The following CLCF1 variants were observed in gnomAD, a reference collection of about 807,000 sequenced individuals.
CLCF1 encodes the protein cardiotrophin-like cytokine factor 1.
CLCF1 carries 10 observed loss-of-function variants against 21.2 expected under a neutral mutation model. That is an observed-to-expected ratio of 0.47 (90% CI 0.29 to 0.80). CLCF1 has a LOEUF of 0.80. Ranked by LOEUF, CLCF1 falls within the 30% of genes least tolerant of loss-of-function variation. The pLI is 0.09. For synonymous variants in CLCF1, 115 were observed against 120.5 expected (o/e 0.95, Z 0.30); for missense variants, 240 against 293.4 (o/e 0.82, Z 1.33).
intron 1 of CLCF1, among the ~76,000 whole-genome samples, chr11:67,373,136 C>T (rs1862275689): frequency 6.6e-6 from 1 of 151,698 alleles, no homozygotes; most frequent in African/African-American, 2.4e-5. Flanking sequence ...CCCGGCCTCC[C>T]TCCCTCTTCC....
At chr11:67,369,135 T>C (rs1018074462) in intron 1 of CLCF1, 8 of 985,232 alleles carry the variant, frequency 8.1e-6, no homozygotes, top group Admixed American at 6.1e-5. Flanking sequence ...TGGAGAGGGC[T>C]AATAACTAGG....
rs183635959 is a variant in CLCF1 at position 67,368,888 on chromosome 11, C to G, written c.17-1262G>C. ...ATAGGTGTGAGGTCATGAGTGGTTT[C>G]TTTCCTATAGTTCTTTTTTTTTCCT... On this transcript the variant is annotated intron_variant, in intron 1 of 2. Transcript: ENST00000312438. 1.3e-4 allele frequency: 114 copies of G among 881,702 alleles called. No homozygotes were observed. In the African/African-American group the frequency reaches 2.4e-3, roughly 18 times the overall value. 54.6% of individuals were successfully genotyped at this position (881,702 alleles called of 1,614,324 possible). A position where few individuals can be genotyped will look rare whatever the true frequency, so the allele number is the denominator to read the frequency against.
chr11:67,367,625 C>T lies in CLCF1; in HGVS notation c.18G>A (p.Gly6=). The T allele has an allele frequency of 6.2e-7, 1 of 1,613,002 alleles. No individual in the cohort carries two copies. The highest frequency in any genetic ancestry group is 8.5e-7 in the Non-Finnish European group (1 of 1,179,920). MDLRA[G]DSWGMLACLC... ...GGCACGCTAACATCCCCCACGAGTC[C>T]CCTGTGGGCAGGATGGACGAGAAGC... is the stretch of plus-strand genomic sequence containing the variant. The change falls in exon 2 of 3, where the codon GGG becomes GGA. Residue 6 remains glycine (G), a splice_region_variant and synonymous_variant. Coordinates refer to ENST00000312438, the MANE Select transcript of CLCF1 (RefSeq NM_013246.3).
upstream of CLCF1, chr11:67,373,844 G>A (rs930373478): frequency 1.7e-5 from 17 of 1,025,476 alleles, no homozygotes; most frequent in African/African-American, 1.5e-4. Context: ...CAGCACCGAG[G>A]GGGGGTGAGG....
upstream of CLCF1, chr11:67,373,879 C>A (rs1204025990): frequency 2.1e-6 from 2 of 965,692 alleles, no homozygotes; most frequent in South Asian, 5.1e-5. Flanking sequence ...GGCGGTACCA[C>A]CCTGGGCCTC....
rs760645462 is a variant in CLCF1 at position 67,365,220 on chromosome 11, C to T, written c.594G>A (p.Ser198=). The T allele has an allele frequency of 3.7e-5, 60 of 1,613,872 alleles. No homozygotes were observed. Among genetic ancestry groups the T allele is most frequent in the Non-Finnish European group, 3.0e-5 (35 of 1,180,022 alleles). ...LKELQTWLWR[S]AKDFNRLKKK... ...TCTTGAGCCGGTTGAAGTCCTTGGC[C>T]GAGCGCCACAGCCAGGTCTGCAGCT... is the stretch of plus-strand genomic sequence containing the variant. Residue 198 remains serine (S), a synonymous_variant, in exon 3 of 3, where the codon TCG becomes TCA. Transcript: ENST00000312438. The surrounding 1 kb of genome is among the most constrained non-coding windows in gnomAD (Gnocchi z 5.0).
At position 67,372,630 on chromosome 11, in the gene CLCF1, GC is replaced by G. The variant is rs1176293185; in HGVS notation, c.16+893del. Among the ~76,000 whole-genome samples the G allele has an allele frequency of 6.7e-6, 1 of 149,346 alleles. No homozygotes were observed. The highest frequency in any genetic ancestry group is 1.5e-5 in the Non-Finnish European group (1 of 66,830). On this transcript the variant is annotated intron_variant, in intron 1 of 2. Transcript: ENST00000312438. This position sits in a 1 kb window ranked among gnomAD's most constrained non-coding sequence, Gnocchi z 5.9. Reference sequence around the variant, plus strand: ...CTCCTTCCCCGCGGCGGGGGCGGGGGCGGGGGCGGGGGCGGGGTCCGGGGCA... The same window carrying G: ...CTCCTTCCCCGCGGCGGGGGCGGGGGGGGGGCGGGGGCGGGGTCCGGGGCA...
At chr11:67,371,747 T>C (rs1275734055) in intron 1 of CLCF1, among the ~76,000 whole-genome samples, 1 of 134,724 alleles carries the variant, frequency 7.4e-6, no homozygotes, top group Non-Finnish European at 1.6e-5. Context: ...AAGAGGGGCG[T>C]GGGGGGGGAG....
At chr11:67,371,545 C>G (rs1862233832) in intron 1 of CLCF1, among the ~76,000 whole-genome samples, 1 of 152,122 alleles carries the variant, frequency 6.6e-6, no homozygotes, top group Admixed American at 6.5e-5. Flanking sequence ...ACCAAGCAAG[C>G]GAGACAGGAG....
rs1034609231 is a variant in CLCF1 at position 67,372,525 on chromosome 11, G to A, written c.16+999C>T. 3.3e-5 allele frequency among the ~76,000 whole-genome samples: 5 copies of A among 151,728 alleles called. No homozygotes were observed. Among genetic ancestry groups the A allele is most frequent in the Non-Finnish European group, 5.9e-5 (4 of 67,844 alleles). ...CTGCTGGCGGTGACCTCTCGCTCTGGGACCCCTCCCGGCGCTGCGCCTTCC... is the reference window on the plus strand; with the variant it reads ...CTGCTGGCGGTGACCTCTCGCTCTGAGACCCCTCCCGGCGCTGCGCCTTCC... On this transcript the variant is annotated intron_variant, in intron 1 of 2. Coordinates refer to ENST00000312438, the MANE Select transcript of CLCF1 (RefSeq NM_013246.3). The surrounding 1 kb of genome is among the most constrained non-coding windows in gnomAD (Gnocchi z 5.9).
upstream of CLCF1, chr11:67,373,998 C>T: frequency 2.4e-6 from 2 of 850,892 alleles, no homozygotes; most frequent in Non-Finnish European, 2.6e-6. Flanking sequence ...TGGGACACCG[C>T]CCCCTGCCCC....
chr11:67,366,250 G>C (rs1862095606), intron 2 of CLCF1, among the ~76,000 whole-genome samples: 1 of 152,144 alleles, frequency 6.6e-6, no homozygotes, highest in African/African-American at 2.4e-5. Flanking sequence ...GGAGAAATTT[G>C]GCAGGGAAAG....
chr11:67,365,463 C>T lies in CLCF1; in HGVS notation c.351G>A (p.Leu117=), dbSNP rs754365534. The T allele has an allele frequency of 3.1e-6, 5 of 1,614,028 alleles. No individual in the cohort carries two copies. The highest frequency in any genetic ancestry group is 4.2e-6 in the Non-Finnish European group (5 of 1,179,946). Reference sequence around the variant, plus strand: ...TGGCAGCCTGACGGTTGAGGCCACGCAAGTAACACAGAAGGTGGCTGTAGG... The same window carrying T: ...TGGCAGCCTGACGGTTGAGGCCACGTAAGTAACACAGAAGGTGGCTGTAGG... The part of the protein sequence containing the change: ...YEAYSHLLCY[L]RGLNRQAATA... Residue 117 remains leucine (L), a synonymous_variant, in exon 3 of 3, where the codon TTG becomes TTA. Coordinates refer to ENST00000312438, the MANE Select transcript of CLCF1 (RefSeq NM_013246.3). This position sits in a 1 kb window ranked among gnomAD's most constrained non-coding sequence, Gnocchi z 5.0.
At chr11:67,369,172 A>C (rs1276265243) in intron 1 of CLCF1, 5 of 985,148 alleles carry the variant, frequency 5.1e-6, no homozygotes, top group Non-Finnish European at 6.0e-6. Flanking sequence ...ATTTGTATAA[A>C]ACATCTCTTA....
At chr11:67,366,980 C>T (rs1862113444) in intron 2 of CLCF1, among the ~76,000 whole-genome samples, 1 of 152,032 alleles carries the variant, frequency 6.6e-6, no homozygotes, top group Non-Finnish European at 1.5e-5. Context: ...TCCCCTTCCC[C>T]CATGACCCCC....
At position 67,367,460 on chromosome 11, in the gene CLCF1, A is replaced by G; in HGVS notation, c.183T>C (p.Tyr61=). The part of the protein sequence containing the change: ...EHQLRSLAGT[Y]LNYLGPPFNE... The stretch of plus-strand genomic sequence containing the variant: ...CCAGATTCCTACGCTGGATACTCAC[A>G]TAGGTCCCAGCCAAGCTGCGGAGTT... The change falls in exon 2 of 3, where the codon TAT becomes TAC. Residue 61 remains tyrosine (Y), a splice_region_variant and synonymous_variant. Coordinates refer to ENST00000312438, the MANE Select transcript of CLCF1 (RefSeq NM_013246.3). 6.2e-7 allele frequency: 1 copy of G among 1,614,184 alleles called. No individual in the cohort carries two copies. The highest frequency in any genetic ancestry group is 8.5e-7 in the Non-Finnish European group (1 of 1,180,004).
In CLCF1 at chr11:67,365,492, C is replaced by T. The variant is rs764602656; in HGVS notation, c.322G>A (p.Glu108Lys). 5.6e-6 allele frequency: 9 copies of T among 1,614,126 alleles called. No individual in the cohort carries two copies. Among genetic ancestry groups the T allele is most frequent in the East Asian group, 2.2e-5 (1 of 44,882 alleles). The change falls in exon 3 of 3, where the codon GAG becomes AAG. Residue 108 changes from glutamate (E) to lysine (K), a missense_variant. Glu to Lys is a moderately conservative substitution (Grantham distance 56). Transcript: ENST00000312438. The surrounding 1 kb of genome is among the most constrained non-coding windows in gnomAD (Gnocchi z 5.0). ...NDKLRLTQNY[E>K]AYSHLLCYLR... is the part of the protein sequence containing the mutation. Reference sequence around the variant, plus strand: ...TAACACAGAAGGTGGCTGTAGGCCTCGTAGTTCTGGGTCAGCCGCAGTTTG... The same window carrying T: ...TAACACAGAAGGTGGCTGTAGGCCTTGTAGTTCTGGGTCAGCCGCAGTTTG...
rs559413412 is a variant in CLCF1 at position 67,371,619 on chromosome 11, G to A, written c.16+1905C>T. Among the ~76,000 whole-genome samples the A allele has an allele frequency of 2.6e-5, 4 of 152,330 alleles. No individual in the cohort carries two copies. The East Asian group carries it at 7.7e-4, about 29-fold the overall frequency. On this transcript the variant is annotated intron_variant, in intron 1 of 2. Transcript: ENST00000312438. ...CACAAGAGGGCCATGGGTGTGCTCA[G>A]GGAGGCCAGCGGGGAGCCAGGGGGG... is the stretch of plus-strand genomic sequence containing the variant.
chr11:67,372,759 T>C lies in CLCF1; in HGVS notation c.16+765A>G, dbSNP rs1265007324. 6.7e-6 allele frequency among the ~76,000 whole-genome samples: 1 copy of C among 149,744 alleles called. No individual in the cohort carries two copies. Among genetic ancestry groups the C allele is most frequent in the Non-Finnish European group, 1.5e-5 (1 of 67,062 alleles). The stretch of plus-strand genomic sequence containing the variant: ...CGCCGCTCCCTGGCCAGTGACAGAC[T>C]TTTTCCTGCCGGGTCCGGCCCGGCT... On this transcript the variant is annotated intron_variant, in intron 1 of 2. Transcript: ENST00000312438. The surrounding 1 kb of genome is among the most constrained non-coding windows in gnomAD (Gnocchi z 5.9).
Sources: gnomAD v4.1 joint callset for allele counts (sites outside exome capture counted in the v4.1 genomes callset) on GRCh38, gnomAD v4.1.1 for gene constraint, Gnocchi (gnomAD v3.1) non-coding constraint, MANE v1.5 for transcripts, NCBI Gene and HGNC (gene_info 2026-07-23, HGNC 2026-07-21) for gene names.